The following FBXO39 variants were observed in gnomAD, a reference collection of about 807,000 sequenced individuals.
FBXO39 encodes the protein F-box only protein 39.
A neutral mutation model predicts 36.6 loss-of-function variants in FBXO39; 22 were observed. The observed-to-expected ratio is 0.60, with a 90% CI of 0.43 to 0.86. FBXO39 has a LOEUF of 0.86. FBXO39 is among the 40% of genes least tolerant of loss of function. The pLI is 0.00. For missense variants in FBXO39, 536 were observed against 543.9 expected (o/e 0.99, Z 0.14); for synonymous variants, 206 against 205.8 (o/e 1.00, Z -0.01).
rs1187619371 is a variant in FBXO39, at chr17:6,780,124, G to C, written c.256G>C (p.Gly86Arg). Residue 86 changes from glycine to arginine, a missense_variant, in exon 2 of 4, where the codon GGT (glycine) becomes CGT (arginine). Gly to Arg is a moderately radical substitution (Grantham distance 125). Coordinates refer to ENST00000321535, the MANE Select transcript of FBXO39 (RefSeq NM_153230.3). ...ESAVWYVKKF[G>R]RYLEHLEVKF... ...AGCTGTTTGGTATGTTAAGAAGTTT[G>C]GTCGTTATCTGGAGCACCTGGAGGT... 5.0e-6 allele frequency: 8 copies of C among 1,614,050 alleles called. No homozygotes were observed. The highest frequency in any genetic ancestry group is 1.3e-5 in the African/African-American group (1 of 74,906).
At chr17:6,778,376 T>C (rs1976459986) in intron 1 of FBXO39, among the ~76,000 whole-genome samples, 1 of 152,148 alleles carries the variant, frequency 6.6e-6, no homozygotes, top group Non-Finnish European at 1.5e-5. Context: ...GGAAATGTGA[T>C]TCACTTGCCC....
chr17:6,787,234 G>T, intron 3 of FBXO39, 66 bp from the exon 4 acceptor site: 1 of 1,439,898 alleles, frequency 6.9e-7, no homozygotes, highest in Non-Finnish European at 9.4e-7. Flanking sequence ...GTGTGTGTGT[G>T]TGTATGTGTG....
At chr17:6,786,308 C>T (rs1322083086) in intron 2 of FBXO39, among the ~76,000 whole-genome samples, 1 of 152,070 alleles carries the variant, frequency 6.6e-6, no homozygotes, top group Non-Finnish European at 1.5e-5. Flanking sequence ...CAATTCAACT[C>T]ATGGAGATAG....
At chr17:6,778,004 A>C (rs961180281) in intron 1 of FBXO39, among the ~76,000 whole-genome samples, 2 of 151,976 alleles carry the variant, frequency 1.3e-5, no homozygotes, top group Admixed American at 6.6e-5. Context: ...GTCCCTAGGG[A>C]GGCCCACAAC....
Position 6,787,631 on chromosome 17 carries a change from C to T in FBXO39, c.*203C>T. 2.1e-6 allele frequency: 1 copy of T among 467,020 alleles called. No individual in the cohort carries two copies. Among genetic ancestry groups the T allele is most frequent in the Non-Finnish European group, 3.8e-6 (1 of 261,834 alleles). 28.9% of individuals were successfully genotyped at this position (467,020 alleles called of 1,614,324 possible). On this transcript the variant is annotated 3_prime_UTR_variant, in exon 4 of 4. Transcript: ENST00000321535. ...GAAGGCTCCAGGTGGCTTTAAAGCG[C>T]TATGTTTACCAACTATCCCGGTGTC...
chr17:6,779,907 G>A lies in FBXO39; in HGVS notation c.39G>A (p.Gln13=), dbSNP rs1976483428. 1 of 1,614,088 alleles carries A rather than the reference G, an allele frequency of 6.2e-7. No individual in the cohort carries two copies. The highest frequency in any genetic ancestry group is 2.2e-5 in the East Asian group (1 of 44,898). ...EESELIQPQD[Q]SCWAFLPDLC... is the part of the protein sequence containing the mutation. ...GTGAACTGATCCAGCCCCAAGACCA[G>A]AGCTGCTGGGCCTTTCTGCCCGATT... Residue 13 remains glutamine (Q), a synonymous_variant, in exon 2 of 4, where the codon CAG becomes CAA. Transcript: ENST00000321535.
At chr17:6,776,451 TC>T (rs34233349) in intron 1 of FBXO39, among the ~76,000 whole-genome samples, 179 bp downstream of exon 1, 152,197 of 152,200 alleles carry the variant, frequency 1, 76,097 homozygotes, top group Non-Finnish European at 1. Context: ...CCAGGCCAAC[TC>T]CCCCTCCCGC....
intron 2 of FBXO39, 121 bp from the exon 3 acceptor site, chr17:6,786,658 TA>T: frequency 1.3e-6 from 1 of 783,180 alleles, no homozygotes; most frequent in African/African-American, 1.8e-5. Context: ...AAATTAAAGT[TA>T]AAAACCCCCA....
intron 1 of FBXO39, among the ~76,000 whole-genome samples, chr17:6,778,772 G>A (rs942521187): frequency 6.6e-6 from 1 of 152,172 alleles, no homozygotes; most frequent in Non-Finnish European, 1.5e-5. Context: ...AAATATCTAT[G>A]GATGAAGCAG....
At position 6,787,613 on chromosome 17, in the gene FBXO39, C is replaced by T; in HGVS notation, c.*185C>T. The T allele has an allele frequency of 1.7e-6, 1 of 576,354 alleles. No homozygotes were observed. The highest frequency in any genetic ancestry group is 3.0e-6 in the Non-Finnish European group (1 of 338,832). 35.7% of individuals were successfully genotyped at this position (576,354 alleles called of 1,614,324 possible). On this transcript the variant is annotated 3_prime_UTR_variant, in exon 4 of 4. Coordinates refer to ENST00000321535, the MANE Select transcript of FBXO39 (RefSeq NM_153230.3). ...TGAGACTGCCCATGACCTGAAGGCTCCAGGTGGCTTTAAAGCGCTATGTTT... is the reference window on the plus strand; with the variant it reads ...TGAGACTGCCCATGACCTGAAGGCTTCAGGTGGCTTTAAAGCGCTATGTTT...
At chr17:6,781,436 T>C (rs142277448) in intron 2 of FBXO39, among the ~76,000 whole-genome samples, 2 of 152,310 alleles carry the variant, frequency 1.3e-5, no homozygotes, top group East Asian at 3.9e-4. Context: ...CTTTCTCACC[T>C]GTAAGATCAG....
intron 2 of FBXO39, among the ~76,000 whole-genome samples, chr17:6,784,927 A>ATG (rs1300340606): frequency 9.7e-6 from 1 of 102,908 alleles, no homozygotes; most frequent in African/African-American, 4.6e-5. Context: ...TTATATATAT[A>ATG]TATGTGTGTG....
chr17:6,782,939 A>G (rs544359400), intron 2 of FBXO39, among the ~76,000 whole-genome samples: 2 of 152,290 alleles, frequency 1.3e-5, no homozygotes, highest in East Asian at 1.9e-4. Context: ...GGATATTTAC[A>G]GAAAATTTCA....
At chr17:6,776,998 A>G (rs1311983985) in intron 1 of FBXO39, among the ~76,000 whole-genome samples, 1 of 152,054 alleles carries the variant, frequency 6.6e-6, no homozygotes, top group Non-Finnish European at 1.5e-5. Context: ...AGACACACAT[A>G]TTCTTCCAAC....
At chr17:6,785,743 A>G (rs970420549) in intron 2 of FBXO39, among the ~76,000 whole-genome samples, 2 of 151,632 alleles carry the variant, frequency 1.3e-5, no homozygotes, top group African/African-American at 2.4e-5. Flanking sequence ...AAATAAGTAT[A>G]TTAAAAGGTG....
intron 2 of FBXO39, among the ~76,000 whole-genome samples, chr17:6,786,048 C>T (rs980655102): frequency 6.6e-6 from 1 of 152,204 alleles, no homozygotes; most frequent in Non-Finnish European, 1.5e-5. Context: ...GAGATGTCTG[C>T]ACTCTCATGT....
chr17:6,787,028 G>A (rs780817984), intron 3 of FBXO39, 72 bp downstream of exon 3: 21 of 1,509,866 alleles, frequency 1.4e-5, no homozygotes, highest in African/African-American at 1.1e-4. Context: ...GCTCTGGAAC[G>A]AAGGGCTGAA....
Position 6,780,256 on chromosome 17 carries a change from T to C in FBXO39, c.388T>C (p.Ser130Pro), listed in dbSNP as rs1597774688. 6.2e-7 allele frequency: 1 copy of C among 1,614,070 alleles called. No homozygotes were observed. The highest frequency in any genetic ancestry group is 8.5e-7 in the Non-Finnish European group (1 of 1,179,948). Reference sequence around the variant, plus strand: ...GAGCAACAACCGTCTGAAATCTCTTTCCATCCAATACCTGGAGCTGGACCG... The same window carrying C: ...GAGCAACAACCGTCTGAAATCTCTTCCCATCCAATACCTGGAGCTGGACCG... The part of the protein sequence containing the change: ...SKSNNRLKSL[S>P]IQYLELDRLV... Residue 130 changes from serine to proline, a missense_variant, in exon 2 of 4, where the codon TCC becomes CCC. By Grantham distance (74) the Ser-to-Pro change is moderately conservative. Coordinates refer to ENST00000321535, the MANE Select transcript of FBXO39 (RefSeq NM_153230.3).
intron 3 of FBXO39, 66 bp downstream of exon 3, chr17:6,787,022 T>TTC: frequency 6.5e-7 from 1 of 1,529,856 alleles, no homozygotes. Context: ...GCTTCTGCTC[T>TTC]GGAACGAAGG....
Sources: allele counts gnomAD v4.1 joint callset (sites outside exome capture counted in the v4.1 genomes callset), GRCh38; gene constraint gnomAD v4.1.1; transcripts MANE v1.5; gene names NCBI Gene and HGNC (gene_info 2026-07-23, HGNC 2026-07-21).